FAAH2: variants seen among roughly 807,000 people sequenced by gnomAD.
FAAH2 encodes fatty-acid amide hydrolase 2.
A neutral mutation model predicts 36.9 loss-of-function variants in FAAH2; 60 were observed. That is an observed-to-expected ratio of 1.63 (90% CI 1.32 to 2.02). The LOEUF is 2.02. Ranked by LOEUF, FAAH2 falls within the 30% of genes most tolerant of loss-of-function variation. The pLI, the probability that FAAH2 is intolerant of heterozygous loss-of-function variation, is 0.00. For missense variants in FAAH2, 689 were observed against 397.5 expected (o/e 1.73, Z -6.23); for synonymous variants, 214 against 143.8 (o/e 1.49, Z -3.49).
intron 8 of FAAH2, among the ~76,000 whole-genome samples, chrX:57,441,589 T>A (rs2056557660): frequency 9.0e-6 from 1 of 110,812 alleles, no homozygotes; most frequent in Admixed American, 9.7e-5. Context: ...GCGTTTTTTT[T>A]TTGTGTGTGT....
the FAAH2 span, among the ~76,000 whole-genome samples, chrX:57,171,611 G>T: frequency 9.0e-6 from 1 of 110,762 alleles, no homozygotes; most frequent in Non-Finnish European, 1.9e-5. Context: ...AGAATTACTT[G>T]GTTTTTTTAT....
At chrX:57,323,255 C>T (rs1267429213) in intron 3 of FAAH2, among the ~76,000 whole-genome samples, 1 of 111,501 alleles carries the variant, frequency 9.0e-6, no homozygotes, top group African/African-American at 3.3e-5. Flanking sequence ...TGGGTTGGTT[C>T]CAAGTCTTTG....
chrX:57,266,284 G>T, the FAAH2 span, among the ~76,000 whole-genome samples: 35 of 112,050 alleles, frequency 3.1e-4, 1 homozygote, highest in Admixed American at 3.0e-3. Context: ...TTGTTTGGCA[G>T]CCTTAACTGG....
At chrX:57,141,603 C>A in the FAAH2 span, among the ~76,000 whole-genome samples, 42 of 111,315 alleles carry the variant, frequency 3.8e-4, no homozygotes, top group African/African-American at 8.8e-4. Flanking sequence ...CCATTGCTAT[C>A]TCATTACCTA....
At chrX:57,365,775 C>T (rs780581399) in intron 5 of FAAH2, among the ~76,000 whole-genome samples, 1 of 112,053 alleles carries the variant, frequency 8.9e-6, no homozygotes, top group South Asian at 3.7e-4. Flanking sequence ...TCACCATTGT[C>T]GTCCTATGTT....
chrX:57,328,857 G>T (rs2053307431), intron 3 of FAAH2, among the ~76,000 whole-genome samples: 1 of 111,494 alleles, frequency 9.0e-6, no homozygotes, highest in South Asian at 3.8e-4. Flanking sequence ...TGGATTGCAT[G>T]CTCTAACTCT....
intron 7 of FAAH2, among the ~76,000 whole-genome samples, chrX:57,424,983 T>TA (rs1473030158): frequency 1.8e-5 from 2 of 109,000 alleles, no homozygotes; most frequent in Non-Finnish European, 1.9e-5. Context: ...TACAAAGAAA[T>TA]AAAAAATCAA....
the FAAH2 span, among the ~76,000 whole-genome samples, chrX:57,124,094 A>G: frequency 1.8e-5 from 2 of 111,499 alleles, no homozygotes; most frequent in Non-Finnish European, 3.8e-5. Context: ...TATGTCCTGA[A>G]TGATATTGCC....
At chrX:57,243,673 A>G in the FAAH2 span, among the ~76,000 whole-genome samples, 1 of 112,285 alleles carries the variant, frequency 8.9e-6, no homozygotes, top group Non-Finnish European at 1.9e-5. Flanking sequence ...TGTTAGAAGG[A>G]AAACTAACAA....
At chrX:57,138,414 A>G in the FAAH2 span, among the ~76,000 whole-genome samples, 1 of 109,528 alleles carries the variant, frequency 9.1e-6, no homozygotes. Flanking sequence ...GTGGAATAAT[A>G]TTTTATTATA....
At chrX:57,296,866 C>G (rs2052179980) in intron 2 of FAAH2, among the ~76,000 whole-genome samples, 1 of 110,886 alleles carries the variant, frequency 9.0e-6, no homozygotes, top group Non-Finnish European at 1.9e-5. Context: ...GACGGAAGAT[C>G]AAATGAATGA....
intron 10 of FAAH2, among the ~76,000 whole-genome samples, chrX:57,469,299 C>T (rs910167077): frequency 1.2e-4 from 13 of 111,808 alleles, no homozygotes; most frequent in African/African-American, 3.9e-4. Flanking sequence ...AAGACACAGA[C>T]TGACAAATTG....
At chrX:57,454,594 AT>A (rs1244280479) in intron 10 of FAAH2, among the ~76,000 whole-genome samples, 1 of 111,930 alleles carries the variant, frequency 8.9e-6, no homozygotes, top group Non-Finnish European at 1.9e-5. Context: ...TAAAATATCC[AT>A]TTTAAGAAAG....
intron 2 of FAAH2, among the ~76,000 whole-genome samples, chrX:57,309,246 TTA>T (rs2146889199): frequency 9.0e-6 from 1 of 111,720 alleles, no homozygotes; most frequent in African/African-American, 3.2e-5. Context: ...ATTATGTCCA[TTA>T]TAGAACATTT....
chrX:57,134,677 G>T, the FAAH2 span: 1 of 111,484 alleles, frequency 9.0e-6, no homozygotes, highest in African/African-American at 3.3e-5. Flanking sequence ...CTTTCCAAAT[G>T]CAAGATGGCA....
the FAAH2 span, among the ~76,000 whole-genome samples, chrX:57,192,047 A>G: frequency 1.2e-3 from 130 of 112,018 alleles, no homozygotes; most frequent in African/African-American, 4.1e-3. Flanking sequence ...CATAAAATCT[A>G]TAGATTGCTT....
chrX:57,162,654 G>A, the FAAH2 span, among the ~76,000 whole-genome samples: 15 of 111,383 alleles, frequency 1.3e-4, no homozygotes, highest in East Asian at 2.8e-4. Context: ...TGATCGCATC[G>A]GCTCCTGAGG....
chrX:57,431,772 T>G (rs895199443), intron 7 of FAAH2, 146 bp from the exon 8 acceptor site: 1 of 229,523 alleles, frequency 4.4e-6, no homozygotes, highest in African/African-American at 5.0e-5. Flanking sequence ...TGTTTTTTTG[T>G]TTTTTTGTTT....
intron 5 of FAAH2, among the ~76,000 whole-genome samples, chrX:57,348,747 C>T (rs2053899402): frequency 9.0e-6 from 1 of 111,088 alleles, no homozygotes; most frequent in Non-Finnish European, 1.9e-5. Flanking sequence ...AGCCAAAGGG[C>T]TCAACACAAC....
Sources: allele counts gnomAD v4.1 joint callset (sites outside exome capture counted in the v4.1 genomes callset), GRCh38; gene constraint gnomAD v4.1.1; transcripts MANE v1.5; gene names NCBI Gene and HGNC (gene_info 2026-07-23, HGNC 2026-07-21).